The following NELL1 variants were observed in gnomAD, a reference collection of about 807,000 sequenced individuals.
NELL1 encodes the protein neural EGFL like 1, also known as protein kinase C-binding protein NELL1.
Under a neutral mutation model 107.4 loss-of-function variants are expected in NELL1, and 76 were observed. That is an observed-to-expected ratio of 0.71 (90% CI 0.59 to 0.86). The LOEUF is 0.86. Among genes scored for constraint, NELL1 ranks in the 40% least tolerant of loss-of-function variants. The probability of loss-of-function intolerance (pLI) is 0.00; values close to 1 mark genes in which losing one functional copy is unlikely to be tolerated. For missense variants in NELL1, 1,024 were observed against 1,005.5 expected (o/e 1.02, Z -0.25); for synonymous variants, 353 against 341.2 (o/e 1.03, Z -0.38).
intron 14 of NELL1, among the ~76,000 whole-genome samples, chr11:21,270,548 C>G (rs1038602343): frequency 6.6e-6 from 1 of 152,192 alleles, no homozygotes. Flanking sequence ...ACTGACCAAA[C>G]TAGAAAGAGA....
chr11:20,931,105 C>T (rs1358072934), intron 9 of NELL1, among the ~76,000 whole-genome samples: 1 of 151,988 alleles, frequency 6.6e-6, no homozygotes, highest in Non-Finnish European at 1.5e-5. Context: ...AGGGATCCTT[C>T]CCTGCTTTAG....
chr11:20,698,551 C>G (rs995952908), intron 2 of NELL1, among the ~76,000 whole-genome samples: 1 of 152,156 alleles, frequency 6.6e-6, no homozygotes, highest in Non-Finnish European at 1.5e-5. Context: ...CCTCTTCAGA[C>G]ATTGAATAAT....
intron 4 of NELL1, among the ~76,000 whole-genome samples, chr11:20,873,251 A>G (rs1280513271): frequency 6.6e-6 from 1 of 152,104 alleles, no homozygotes; most frequent in East Asian, 1.9e-4. Flanking sequence ...TGTAACCTCA[A>G]TGGCGCCATC....
intron 12 of NELL1, among the ~76,000 whole-genome samples, chr11:21,007,827 C>T (rs1391358987): frequency 6.6e-6 from 1 of 152,076 alleles, no homozygotes; most frequent in African/African-American, 2.4e-5. Flanking sequence ...GTATGGCCCA[C>T]TTACATAAGA....
Position 20,737,588 on chromosome 11 carries a change from G to A in NELL1, c.185-46092G>A, listed in dbSNP as rs571160834. ...GTGTACCTCATAGTACTGTGGTAAG[G>A]ATTAAGGAATACAGTGCCTGCAGAG... On this transcript the variant is annotated intron_variant, in intron 2 of 19. Coordinates refer to ENST00000357134, the MANE Select transcript of NELL1 (RefSeq NM_006157.5). 4.6e-5 allele frequency among the ~76,000 whole-genome samples: 7 copies of A among 152,072 alleles called. No homozygotes were observed. In the South Asian group the frequency reaches 1.2e-3, roughly 27 times the overall value.
rs557582267 is a variant in NELL1, at chr11:20,792,582, T to G, written c.335+8752T>G. On this transcript the variant is annotated intron_variant, in intron 3 of 19. Transcript: ENST00000357134. ...ATTAAAAAAGAATAGCTGTTATATT[T>G]TATTAAATATCTTTTCAGTGTGCAT... is the stretch of plus-strand genomic sequence containing the variant. Among the ~76,000 whole-genome samples, 3 of 152,134 alleles carry G rather than the reference T, an allele frequency of 2.0e-5. No individual in the cohort carries two copies. In the East Asian group the frequency reaches 5.8e-4, roughly 29 times the overall value.
chr11:21,276,800 G>A (rs563259955), intron 14 of NELL1, among the ~76,000 whole-genome samples: 1 of 152,314 alleles, frequency 6.6e-6, no homozygotes, highest in African/African-American at 2.4e-5. Flanking sequence ...AATGGGGAAA[G>A]GATTCCCTGT....
intron 12 of NELL1, among the ~76,000 whole-genome samples, chr11:20,975,956 TTA>T (rs376255526): frequency 0.043 from 5,564 of 129,520 alleles, 241 homozygotes; most frequent in Middle Eastern, 0.14. Flanking sequence ...TATATGTACA[TTA>T]TATATACATT....
chr11:21,193,211 G>C (rs1467350835), intron 13 of NELL1, among the ~76,000 whole-genome samples: 1 of 151,838 alleles, frequency 6.6e-6, no homozygotes, highest in Non-Finnish European at 1.5e-5. Context: ...GCAAATAGTT[G>C]ATCTGTTTTG....
At chr11:21,010,981 C>T (rs1852434690) in intron 12 of NELL1, among the ~76,000 whole-genome samples, 1 of 152,104 alleles carries the variant, frequency 6.6e-6, no homozygotes. Context: ...CTGCACTTCT[C>T]CTTCCTTGAA....
intron 15 of NELL1, among the ~76,000 whole-genome samples, chr11:21,422,095 A>G (rs10833531): frequency 0.016 from 1,845 of 118,486 alleles, 88 homozygotes; most frequent in African/African-American, 0.085. Flanking sequence ...ATTTACACAT[A>G]TGTGTGTGTG....
intron 2 of NELL1, among the ~76,000 whole-genome samples, chr11:20,753,901 G>A (rs541799804): frequency 7.9e-5 from 12 of 152,130 alleles, no homozygotes; most frequent in African/African-American, 2.2e-4. Flanking sequence ...TGTTTGCTTT[G>A]TTTTGTTTTG....
At chr11:20,877,788 T>TA (rs1849334138) in intron 4 of NELL1, among the ~76,000 whole-genome samples, 1 of 152,170 alleles carries the variant, frequency 6.6e-6, no homozygotes, top group Admixed American at 6.5e-5. Flanking sequence ...ATGAGACACT[T>TA]ACACTTTAAA....
intron 5 of NELL1, among the ~76,000 whole-genome samples, chr11:20,885,972 C>T (rs1315276755): frequency 1.3e-5 from 2 of 152,214 alleles, no homozygotes; most frequent in Non-Finnish European, 2.9e-5. Flanking sequence ...ATCTCTGCTT[C>T]CTTGAGCTTT....
chr11:21,554,789 C>T (rs1856668172), intron 16 of NELL1, among the ~76,000 whole-genome samples: 1 of 151,808 alleles, frequency 6.6e-6, no homozygotes, highest in East Asian at 1.9e-4. Flanking sequence ...AGTCGTACAA[C>T]TAATAAATTG....
chr11:21,406,650 C>T (rs1852243639), intron 15 of NELL1, among the ~76,000 whole-genome samples: 1 of 151,940 alleles, frequency 6.6e-6, no homozygotes, highest in South Asian at 2.1e-4. Flanking sequence ...TCTGTTAGTG[C>T]TAGTTTTTAT....
At chr11:20,704,448 C>T (rs1854885006) in intron 2 of NELL1, among the ~76,000 whole-genome samples, 1 of 152,124 alleles carries the variant, frequency 6.6e-6, no homozygotes, top group Non-Finnish European at 1.5e-5. Context: ...TGGGTCTTGA[C>T]TCTTTATCCA....
chr11:21,018,332 G>T (rs956984126), intron 12 of NELL1, among the ~76,000 whole-genome samples: 1 of 152,158 alleles, frequency 6.6e-6, no homozygotes, highest in East Asian at 1.9e-4. Context: ...ACACTTAGCC[G>T]TGGGAATTAG....
At chr11:20,906,480 T>C (rs1356537834) in intron 5 of NELL1, among the ~76,000 whole-genome samples, 1 of 152,040 alleles carries the variant, frequency 6.6e-6, no homozygotes, top group African/African-American at 2.4e-5. Flanking sequence ...GGAGAAACAT[T>C]TCCTAACTCA....
Sources: gnomAD v4.1 joint callset for allele counts (sites outside exome capture counted in the v4.1 genomes callset) on GRCh38, gnomAD v4.1.1 for gene constraint, MANE v1.5 for transcripts, NCBI Gene and HGNC (gene_info 2026-07-23, HGNC 2026-07-21) for gene names.